Variants in CX3CR1 observed in about 807,000 individuals in gnomAD.
CX3CR1 encodes the protein CX3C chemokine receptor 1.
For synonymous variants in CX3CR1, 168 were observed against 178.5 expected, an observed-to-expected ratio of 0.94 and a Z score of 0.47; for missense variants, 363 against 432.4, an observed-to-expected ratio of 0.84 and a Z score of 1.42.
Position 39,265,310 on chromosome 3 carries a change from A to C in CX3CR1, c.*132T>G. 1 of 867,990 alleles carries C rather than the reference A, an allele frequency of 1.2e-6. No individual in the cohort carries two copies. The highest frequency in any genetic ancestry group is 1.8e-6 in the Non-Finnish European group (1 of 559,990). 53.8% of individuals were successfully genotyped at this position (867,990 alleles called of 1,614,324 possible). ...TGAGCACAATTCTCAACAACACTCT[A>C]GGGTTGTTTTGTGTGCATTGGGTCC... On this transcript the variant is annotated 3_prime_UTR_variant, in exon 2 of 2. Coordinates refer to ENST00000399220, the MANE Select transcript of CX3CR1 (RefSeq NM_001337.4).
upstream of CX3CR1, among the ~76,000 whole-genome samples, chr3:39,283,169 G>T (rs1328671848): frequency 6.6e-6 from 1 of 152,204 alleles, no homozygotes; most frequent in East Asian, 1.9e-4. Context: ...GGGATTACAC[G>T]TTTAAGCCAC....
At chr3:39,275,019 G>T (rs2040823095) in intron 1 of CX3CR1, among the ~76,000 whole-genome samples, 1 of 151,988 alleles carries the variant, frequency 6.6e-6, no homozygotes, top group Non-Finnish European at 1.5e-5. Context: ...CCACCACCAT[G>T]CCCAGCTAAT....
chr3:39,263,856 C>T lies in CX3CR1; in HGVS notation c.*1586G>A, dbSNP rs189825753. ...TGTGAGAGTGTGAACAAGGTCTGGACGGGTGAATACAGGAATGACAATATT... is the reference window on the plus strand; with the variant it reads ...TGTGAGAGTGTGAACAAGGTCTGGATGGGTGAATACAGGAATGACAATATT... On this transcript the variant is annotated 3_prime_UTR_variant, in exon 2 of 2. Transcript: ENST00000399220. 4 of 152,218 alleles carry T rather than the reference C, an allele frequency of 2.6e-5. No homozygotes were observed. The East Asian group carries it at 5.8e-4, about 22-fold the overall frequency. 9.4% of individuals were successfully genotyped at this position (152,218 alleles called of 1,614,324 possible). A position where few individuals can be genotyped will look rare whatever the true frequency, so the allele number is the denominator to read the frequency against.
chr3:39,284,533 G>A (rs9882036), upstream of CX3CR1, among the ~76,000 whole-genome samples: 3,456 of 152,292 alleles, frequency 0.023, 130 homozygotes, highest in African/African-American at 0.079. Flanking sequence ...GGATTAGAGG[G>A]TGACATGACA....
chr3:39,272,726 G>A (rs1430739784), intron 1 of CX3CR1, among the ~76,000 whole-genome samples: 4 of 152,154 alleles, frequency 2.6e-5, no homozygotes, highest in Admixed American at 1.3e-4. Context: ...AAAATTGTGA[G>A]GCTTAATTTT....
intron 1 of CX3CR1, among the ~76,000 whole-genome samples, chr3:39,277,057 C>CTGCAATA (rs2040847873): frequency 6.6e-6 from 1 of 152,084 alleles, no homozygotes; most frequent in South Asian, 2.1e-4. Context: ...AAACAAAATA[C>CTGCAATA]AACACACTGA....
intron 1 of CX3CR1, among the ~76,000 whole-genome samples, chr3:39,269,057 T>C (rs777774009): frequency 2.0e-5 from 3 of 152,156 alleles, no homozygotes; most frequent in Non-Finnish European, 4.4e-5. Flanking sequence ...TCAGATTATT[T>C]TGGGGGAGGT....
At chr3:39,284,287 G>C (rs1429560885), upstream of CX3CR1, among the ~76,000 whole-genome samples, 1 of 152,060 alleles carries the variant, frequency 6.6e-6, no homozygotes, top group African/African-American at 2.4e-5. Flanking sequence ...TCAGCTTCCC[G>C]AGTAGCTGGG....
chr3:39,283,800 TATATATATATATATATATA>T (rs2040926177), upstream of CX3CR1, among the ~76,000 whole-genome samples: 1 of 30,624 alleles, frequency 3.3e-5, no homozygotes, highest in Non-Finnish European at 6.9e-5. Context: ...AAAAATTATA[TATATATATATATATATATA>T]TATATATATA....
At chr3:39,281,611 C>A (rs757999058), upstream of CX3CR1, 4 of 1,599,202 alleles carry the variant, frequency 2.5e-6, no homozygotes, top group Non-Finnish European at 3.4e-6. Context: ...CCACTTACCC[C>A]ACTGGCCATT....
At position 39,266,088 on chromosome 3, in the gene CX3CR1, C is replaced by A; in HGVS notation, c.422G>T (p.Arg141Leu). ...GATGGTGACGCCATGCTGCACGGTC[C>A]GGTTGTTCATGGAGTTGGCGGCCAG... is the stretch of plus-strand genomic sequence containing the variant. ...IVLAANSMNN[R>L]TVQHGVTISL... The change falls in exon 2 of 2, where the codon CGG becomes CTG. Residue 141 changes from arginine (R) to leucine (L), a missense_variant. Coordinates refer to ENST00000399220, the MANE Select transcript of CX3CR1 (RefSeq NM_001337.4). 1 of 1,614,144 alleles carries A rather than the reference C, an allele frequency of 6.2e-7. No homozygotes were observed. The highest frequency in any genetic ancestry group is 8.5e-7 in the Non-Finnish European group (1 of 1,180,038).
chr3:39,284,265 T>C (rs1273121795), upstream of CX3CR1, among the ~76,000 whole-genome samples: 1 of 152,126 alleles, frequency 6.6e-6, no homozygotes. Context: ...GGGTTCAAGC[T>C]ATTCTTCCAC....
upstream of CX3CR1, chr3:39,281,686 G>T: frequency 6.3e-7 from 1 of 1,598,386 alleles, no homozygotes; most frequent in Non-Finnish European, 8.5e-7. Flanking sequence ...GCCTCCAGGG[G>T]TTCTCTCATC....
the CX3CR1 span, among the ~76,000 whole-genome samples, chr3:39,289,772 C>T: frequency 6.6e-6 from 1 of 152,078 alleles, no homozygotes; most frequent in Non-Finnish European, 1.5e-5. Context: ...GGACCCTAAT[C>T]CAACAGGACT....
At chr3:39,283,843 T>TG (rs2040927883), upstream of CX3CR1, among the ~76,000 whole-genome samples, 1 of 74,134 alleles carries the variant, frequency 1.3e-5, no homozygotes. Context: ...ATATATATAA[T>TG]GTGGTTAATA....
chr3:39,280,633 CCTCTCTGCCCCAAGGCATTTAGTGG>C (rs562796444), upstream of CX3CR1, among the ~76,000 whole-genome samples: 326 of 152,274 alleles, frequency 2.1e-3, 1 homozygote, highest in African/African-American at 7.6e-3. Flanking sequence ...TTTTTCCTCA[CCTCTCTGCCCCAAGGCATTTAGTGG>C]CTCCCTATAC....
In CX3CR1 at chr3:39,265,737, A is replaced by G. The variant is rs757661027; in HGVS notation, c.773T>C (p.Leu258Pro). 5.0e-6 allele frequency: 8 copies of G among 1,614,106 alleles called. No homozygotes were observed. The East Asian group carries it at 1.8e-4, about 36-fold the overall frequency. The change falls in exon 2 of 2, where the codon CTC (leucine) becomes CCC (proline). Residue 258 changes from leucine to proline, a missense_variant. By Grantham distance (98) the Leu-to-Pro change is moderately conservative. Coordinates refer to ENST00000399220, the MANE Select transcript of CX3CR1 (RefSeq NM_001337.4). ...GTCACAACTGGGAAAGAAGTCATAG[A>G]GCTTAAGCGTCTCCAGGAAAATCAT... ...NVMIFLETLK[L>P]YDFFPSCDMR...
chr3:39,291,822 A>G, the CX3CR1 span, among the ~76,000 whole-genome samples: 1 of 152,208 alleles, frequency 6.6e-6, no homozygotes, highest in Admixed American at 6.5e-5. Flanking sequence ...CACAGGTCAC[A>G]AATTTACCTA....
chr3:39,275,157 C>T (rs796243658), intron 1 of CX3CR1, among the ~76,000 whole-genome samples: 20 of 152,300 alleles, frequency 1.3e-4, no homozygotes, highest in East Asian at 3.9e-4. Context: ...CCACCGTGCC[C>T]ACCTAGAAAA....
Sources: gnomAD v4.1 joint callset for allele counts (sites outside exome capture counted in the v4.1 genomes callset) on GRCh38, gnomAD v4.1.1 for gene constraint, MANE v1.5 for transcripts, NCBI Gene and HGNC (gene_info 2026-07-23, HGNC 2026-07-21) for gene names.